DPYS: variants seen among roughly 807,000 people sequenced by gnomAD.
The protein encoded by DPYS is dihydropyrimidine amidohydrolase.
In DPYS, 39 loss-of-function variants were observed where a neutral mutation model predicts 50.3. That is an observed-to-expected ratio of 0.78 (90% CI 0.60 to 1.01). The LOEUF is 1.01. DPYS is among the 50% of genes least tolerant of loss of function. The pLI is 0.00. For synonymous variants in DPYS, 245 were observed against 250.7 expected (o/e 0.98, Z 0.22); for missense variants, 659 against 680.9 (o/e 0.97, Z 0.36).
chr8:104,408,569 A>G (rs2140565085), intron 7 of DPYS, among the ~76,000 whole-genome samples: 1 of 152,364 alleles, frequency 6.6e-6, no homozygotes, highest in Non-Finnish European at 1.5e-5. Flanking sequence ...ACCCTTTGAA[A>G]CAGTAATTTT....
intron 8 of DPYS, among the ~76,000 whole-genome samples, chr8:104,389,405 T>C (rs1811316278): frequency 6.6e-6 from 1 of 152,234 alleles, no homozygotes; most frequent in Non-Finnish European, 1.5e-5. Context: ...CCTAATGCCA[T>C]AGGGAACCAT....
chr8:104,389,988 T>C (rs576901066), intron 8 of DPYS, among the ~76,000 whole-genome samples: 77 of 152,334 alleles, frequency 5.1e-4, no homozygotes, highest in African/African-American at 1.8e-3. Context: ...AAACCAGTGA[T>C]TTGATGATCT....
intron 7 of DPYS, among the ~76,000 whole-genome samples, chr8:104,418,432 GA>G (rs368960819): frequency 4.0e-5 from 6 of 149,896 alleles, no homozygotes; most frequent in East Asian, 1.9e-4. Context: ...ATTGCAAGAA[GA>G]AAAAAAAACC....
At position 104,447,576 on chromosome 8, in the gene DPYS, C is replaced by T. The variant is rs558447302; in HGVS notation, c.424-73G>A. ...ATGATAATTTCAACCTTCTCTAAAA[C>T]GTTGCATTCGGAAGAGAACTAAGTA... On this transcript the variant is annotated intron_variant, in intron 2 of 9. Transcript: ENST00000351513. The T allele has an allele frequency of 1.3e-4, 203 of 1,544,650 alleles. 2 individuals carry two copies. In the South Asian group the frequency reaches 2.1e-3, roughly 16 times the overall value.
At chr8:104,439,420 T>A (rs1201022718) in intron 4 of DPYS, among the ~76,000 whole-genome samples, 1 of 152,156 alleles carries the variant, frequency 6.6e-6, no homozygotes, top group Non-Finnish European at 1.5e-5. Context: ...AGCAAAATGA[T>A]AACGTCTTAA....
intron 7 of DPYS, among the ~76,000 whole-genome samples, chr8:104,397,516 C>T (rs1391482737): frequency 6.6e-6 from 1 of 152,126 alleles, no homozygotes; most frequent in East Asian, 1.9e-4. Flanking sequence ...GGTAAACATC[C>T]AGCCCATTTT....
chr8:104,439,322 G>T (rs571739392), intron 4 of DPYS, among the ~76,000 whole-genome samples: 1 of 152,196 alleles, frequency 6.6e-6, no homozygotes, highest in East Asian at 1.9e-4. Context: ...TCTAAAGAAT[G>T]AGCTGAGGGA....
intron 7 of DPYS, among the ~76,000 whole-genome samples, chr8:104,395,848 CAAAA>C (rs3039791): frequency 7.4e-5 from 11 of 148,056 alleles, no homozygotes; most frequent in Admixed American, 2.0e-4. Flanking sequence ...TATGCTGCAG[CAAAA>C]AAAAAAAAAG....
intron 8 of DPYS, among the ~76,000 whole-genome samples, chr8:104,383,914 T>C (rs1811133115): frequency 6.6e-6 from 1 of 151,468 alleles, no homozygotes; most frequent in African/African-American, 2.5e-5. Context: ...GGCTGTACTT[T>C]TTCTGTGGCT....
chr8:104,413,136 C>A (rs572513299), intron 7 of DPYS, among the ~76,000 whole-genome samples: 11 of 151,966 alleles, frequency 7.2e-5, no homozygotes, highest in Non-Finnish European at 1.2e-4. Context: ...TGCAAACAAC[C>A]TGAATGTCCA....
rs571394939 is a variant in DPYS at position 104,459,456 on chromosome 8, C to T, written c.264+7201G>A. ...TCATCTCTATAACCTCTGCACCAGC[C>T]ACAATGCCTGGCACTTAGTGGGTTT... is the stretch of plus-strand genomic sequence containing the variant. On this transcript the variant is annotated intron_variant, in intron 1 of 9. Coordinates refer to ENST00000351513, the MANE Select transcript of DPYS (RefSeq NM_001385.3). 1.8e-4 allele frequency among the ~76,000 whole-genome samples: 27 copies of T among 152,296 alleles called. 1 individual carries two copies. The highest frequency in any genetic ancestry group is 6.0e-4 in the African/African-American group (25 of 41,556).
intron 1 of DPYS, among the ~76,000 whole-genome samples, chr8:104,464,840 T>C (rs1437445270): frequency 6.6e-6 from 1 of 152,240 alleles, no homozygotes; most frequent in African/African-American, 2.4e-5. Context: ...ATTGTTTTGA[T>C]AGCTAAAAAA....
intron 7 of DPYS, among the ~76,000 whole-genome samples, chr8:104,416,493 A>G (rs979399750): frequency 6.6e-6 from 1 of 152,146 alleles, no homozygotes; most frequent in African/African-American, 2.4e-5. Context: ...CCACTTATGC[A>G]CCCATGACAA....
intron 3 of DPYS, among the ~76,000 whole-genome samples, chr8:104,444,749 A>G (rs1400944280): frequency 6.6e-6 from 1 of 152,206 alleles, no homozygotes; most frequent in Non-Finnish European, 1.5e-5. Context: ...ACCAAAGCAA[A>G]AATGGACAAA....
intron 1 of DPYS, among the ~76,000 whole-genome samples, chr8:104,451,942 G>C (rs1813756818): frequency 6.6e-6 from 1 of 152,060 alleles, no homozygotes; most frequent in African/African-American, 2.4e-5. Flanking sequence ...CCTGGTCTTA[G>C]TTCAGATCCA....
At chr8:104,459,907 T>C (rs1814064449) in intron 1 of DPYS, among the ~76,000 whole-genome samples, 1 of 152,192 alleles carries the variant, frequency 6.6e-6, no homozygotes, top group South Asian at 2.1e-4. Flanking sequence ...CCTGTGACCA[T>C]CCCCTATTAA....
intron 8 of DPYS, among the ~76,000 whole-genome samples, chr8:104,382,911 C>T (rs889913988): frequency 1.1e-4 from 16 of 152,196 alleles, no homozygotes; most frequent in African/African-American, 3.4e-4. Context: ...TGCTGTGCAG[C>T]CCTCCTCAGA....
chr8:104,428,230 A>T (rs758736559), intron 5 of DPYS, 109 bp from the exon 6 acceptor site: 1 of 1,467,184 alleles, frequency 6.8e-7, no homozygotes, highest in Non-Finnish European at 9.5e-7. Context: ...TTGAAGTCAG[A>T]AAAATCCAAT....
At chr8:104,381,566 C>T (rs763029758) in intron 8 of DPYS, among the ~76,000 whole-genome samples, 3 of 152,160 alleles carry the variant, frequency 2.0e-5, no homozygotes, top group Non-Finnish European at 4.4e-5. Context: ...GCCATATCCT[C>T]ACGCCCTTCT....
Sources: gnomAD v4.1 joint callset for allele counts (sites outside exome capture counted in the v4.1 genomes callset) on GRCh38, gnomAD v4.1.1 for gene constraint, MANE v1.5 for transcripts, NCBI Gene and HGNC (gene_info 2026-07-23, HGNC 2026-07-21) for gene names.